ANKFN1: variants seen among roughly 807,000 people sequenced by gnomAD.
The protein encoded by ANKFN1 is ankyrin repeat and fibronectin type III domain containing 1, also known as ankyrin repeat and fibronectin type-III domain-containing protein 1.
ANKFN1 carries 74 observed loss-of-function variants against 108.7 expected under a neutral mutation model. The ratio of observed to expected loss-of-function variants is 0.68; its 90% CI spans 0.56 to 0.83. ANKFN1 has a LOEUF of 0.83. ANKFN1 is among the 40% of genes least tolerant of loss of function. The pLI is 0.00. For missense variants in ANKFN1, 1,505 were observed against 1,382.3 expected (o/e 1.09, Z -1.41); for synonymous variants, 547 against 516.2 (o/e 1.06, Z -0.81).
At chr17:56,098,834 C>CT (rs1485434554) in intron 4 of ANKFN1, among the ~76,000 whole-genome samples, 1 of 150,794 alleles carries the variant, frequency 6.6e-6, no homozygotes, top group East Asian at 2.0e-4. Flanking sequence ...GAGTAAATCT[C>CT]TAGAAGTCAG....
intron 10 of ANKFN1, among the ~76,000 whole-genome samples, chr17:56,443,265 G>A (rs2145174117): frequency 6.6e-6 from 1 of 152,334 alleles, no homozygotes; most frequent in East Asian, 1.9e-4. Context: ...GGCTGAGGCA[G>A]GAAGATCTCT....
chr17:56,231,508 G>C (rs1447362326), intron 3 of ANKFN1, among the ~76,000 whole-genome samples: 1 of 152,156 alleles, frequency 6.6e-6, no homozygotes, highest in African/African-American at 2.4e-5. Flanking sequence ...TGGCTGCTAG[G>C]CACTGTGCTG....
At chr17:56,379,966 G>A (rs1451950985) in intron 8 of ANKFN1, among the ~76,000 whole-genome samples, 3 of 152,268 alleles carry the variant, frequency 2.0e-5, no homozygotes, top group Non-Finnish European at 4.4e-5. Context: ...TTTTCAAAAT[G>A]TCTTTGTTAT....
At chr17:56,460,452 AAAAATAAAAT>A (rs61400496) in intron 14 of ANKFN1, among the ~76,000 whole-genome samples, 6 of 151,110 alleles carry the variant, frequency 4.0e-5, no homozygotes, top group Admixed American at 6.6e-5. Context: ...GACCTTGTCT[AAAAATAAAAT>A]AAAATAAAAT....
At chr17:56,377,111 G>C (rs1441916198) in intron 8 of ANKFN1, among the ~76,000 whole-genome samples, 2 of 152,138 alleles carry the variant, frequency 1.3e-5, no homozygotes, top group South Asian at 2.1e-4. Flanking sequence ...TTAGGGTTTG[G>C]CAAAAACATC....
chr17:56,452,101 C>T (rs574530336), intron 11 of ANKFN1, among the ~76,000 whole-genome samples: 4 of 152,244 alleles, frequency 2.6e-5, no homozygotes, highest in African/African-American at 9.6e-5. Context: ...AAACAACAAT[C>T]GTGTTCATCA....
chr17:56,374,682 G>T lies in ANKFN1; in HGVS notation c.878G>T (p.Ser293Ile), dbSNP rs370026443. The change falls in exon 8 of 21, where the codon AGC (serine) becomes ATC (isoleucine). Residue 293 changes from serine to isoleucine, a missense_variant. Ser to Ile is a moderately radical substitution (Grantham distance 142). Coordinates refer to ENST00000682825, the MANE Select transcript of ANKFN1 (RefSeq NM_001370326.1). ...SLTVSFQEPL[S>I]VNAAVVTRYK... The stretch of plus-strand genomic sequence containing the variant: ...ACTGTCAGCTTCCAAGAGCCTCTTA[G>T]CGTCAATGCAGCTGTAGTAACCAGG... The T allele has an allele frequency of 4.3e-6, 7 of 1,613,776 alleles. No homozygotes were observed. In the African/African-American group the frequency reaches 9.3e-5, roughly 22 times the overall value.
chr17:56,500,146 G>A (rs1046548756), intron 20 of ANKFN1, among the ~76,000 whole-genome samples: 5 of 152,280 alleles, frequency 3.3e-5, no homozygotes, highest in African/African-American at 1.2e-4. Context: ...ATACCTTGAA[G>A]AGTTACTTGT....
intron 4 of ANKFN1, among the ~76,000 whole-genome samples, chr17:56,082,975 T>C (rs1032729839): frequency 2.6e-5 from 4 of 151,322 alleles, no homozygotes; most frequent in African/African-American, 9.7e-5. Flanking sequence ...TTATACCATG[T>C]AGAACAAATA....
intron 3 of ANKFN1, among the ~76,000 whole-genome samples, chr17:56,292,147 G>C (rs16957053): frequency 0.051 from 7,835 of 152,184 alleles, 688 homozygotes; most frequent in African/African-American, 0.18. Flanking sequence ...TCCTTTTCAT[G>C]ACTGGCATGG....
intron 3 of ANKFN1, among the ~76,000 whole-genome samples, chr17:56,289,700 CT>C (rs1254127229): frequency 2.0e-5 from 3 of 152,226 alleles, no homozygotes; most frequent in African/African-American, 7.2e-5. Context: ...GGAATCCTCA[CT>C]GTTTATAAAG....
chr17:56,358,735 A>C (rs2046438194), intron 6 of ANKFN1, among the ~76,000 whole-genome samples: 1 of 152,172 alleles, frequency 6.6e-6, no homozygotes. Flanking sequence ...TAGGAAAGCC[A>C]ATGTATAGAG....
chr17:56,225,235 A>G (rs572478333), intron 2 of ANKFN1, among the ~76,000 whole-genome samples: 47 of 152,204 alleles, frequency 3.1e-4, no homozygotes, highest in African/African-American at 1.1e-3. Flanking sequence ...CTGCCTTCTT[A>G]TGTCCTGCTC....
intron 8 of ANKFN1, 37 bp downstream of exon 8, chr17:56,374,751 T>G (rs375096368): frequency 1.3e-6 from 2 of 1,483,256 alleles, no homozygotes; most frequent in African/African-American, 2.8e-5. Context: ...CACTCCTTCT[T>G]AAAAAAGCAT....
At chr17:56,322,469 A>C (rs551933700) in intron 3 of ANKFN1, among the ~76,000 whole-genome samples, 2 of 152,250 alleles carry the variant, frequency 1.3e-5, no homozygotes, top group South Asian at 4.2e-4. Flanking sequence ...TGCTCAGCTC[A>C]CTGTCACCTA....
intron 3 of ANKFN1, among the ~76,000 whole-genome samples, chr17:56,316,839 C>A (rs746489274): frequency 6.6e-6 from 1 of 152,156 alleles, no homozygotes; most frequent in Non-Finnish European, 1.5e-5. Context: ...ATACTGTAAG[C>A]ATTTAAAAAG....
At chr17:56,120,255 C>T (rs995555816) in intron 4 of ANKFN1, among the ~76,000 whole-genome samples, 37 of 152,276 alleles carry the variant, frequency 2.4e-4, no homozygotes, top group Admixed American at 2.4e-3. Context: ...GCTTACACTG[C>T]TTTACTTGAT....
intron 18 of ANKFN1, among the ~76,000 whole-genome samples, chr17:56,490,894 G>A (rs2051014852): frequency 6.6e-6 from 1 of 151,690 alleles, no homozygotes; most frequent in Admixed American, 6.6e-5. Context: ...AGGAAAGACA[G>A]AGCACACTGC....
Position 56,093,126 on chromosome 17 carries a change from T to A in ANKFN1, c.288+46801T>A, listed in dbSNP as rs1473699981. Among the ~76,000 whole-genome samples the A allele has an allele frequency of 1.3e-5, 2 of 151,338 alleles. 1 individual carries two copies. Among genetic ancestry groups the A allele is most frequent in the African/African-American group, 4.8e-5 (2 of 41,240 alleles). On this transcript the variant is annotated intron_variant, in intron 4 of 12. Transcript: ENST00000635860. ...GCATGATATCTCATGATGTTCACAG[T>A]CCCAGGAATCAGGGTGGGCCACCTT...
Sources: allele counts gnomAD v4.1 joint callset (sites outside exome capture counted in the v4.1 genomes callset), GRCh38; gene constraint gnomAD v4.1.1; transcripts MANE v1.5; gene names NCBI Gene and HGNC (gene_info 2026-07-23, HGNC 2026-07-21).